COG6: variants seen among roughly 807,000 people sequenced by gnomAD.
COG6 encodes conserved oligomeric Golgi complex subunit 6.
COG6 carries 74 observed loss-of-function variants against 88.8 expected under a neutral mutation model. That is an observed-to-expected ratio of 0.83 (90% CI 0.69 to 1.01). The LOEUF is 1.01. COG6 is among the 50% of genes least tolerant of loss of function. The pLI is 0.00. For synonymous variants in COG6, 286 were observed against 278.7 expected, an observed-to-expected ratio of 1.03 and a Z score of -0.26; for missense variants, 800 against 797.9, an observed-to-expected ratio of 1.00 and a Z score of -0.03.
chr13:39,764,183 A>G (rs1281861499), intron 18 of COG6, among the ~76,000 whole-genome samples: 1 of 151,778 alleles, frequency 6.6e-6, no homozygotes, highest in African/African-American at 2.4e-5. Flanking sequence ...TTTTGTCATA[A>G]TGTTCTATCA....
chr13:39,659,472 G>T lies in COG6; in HGVS notation c.262G>T (p.Glu88Ter). 1 of 1,613,502 alleles carries T rather than the reference G, an allele frequency of 6.2e-7. No individual in the cohort carries two copies. Among genetic ancestry groups the T allele is most frequent in the Non-Finnish European group, 8.5e-7 (1 of 1,179,724 alleles). Residue 88 changes from glutamate (E) to a stop codon, truncating the protein, a stop_gained, in exon 2 of 19, where the codon GAA (glutamate) becomes TAA (stop). Transcript: ENST00000455146. LOFTEE classifies it high-confidence loss of function. Reference sequence around the variant, plus strand: ...TGAACGTAAAAGTTTAGCCATCAATGAAGAATTTGTAAGCATTTTCAAGGA... The same window carrying T: ...TGAACGTAAAAGTTTAGCCATCAATTAAGAATTTGTAAGCATTTTCAAGGA... ...DIERKSLAIN[E>*]EFVSIFKEVK...
At chr13:39,743,698 C>T (rs1032678685) in intron 18 of COG6, among the ~76,000 whole-genome samples, 4 of 152,120 alleles carry the variant, frequency 2.6e-5, no homozygotes, top group Non-Finnish European at 4.4e-5. Flanking sequence ...TGGTACCATC[C>T]ATTCTGAAAC....
chr13:39,659,548 C>CTAT lies in COG6; in HGVS notation c.297+44_297+46dup, dbSNP rs771300717. 2.6e-6 allele frequency: 4 copies of CTAT among 1,556,254 alleles called. No individual in the cohort carries two copies. The South Asian group carries it at 4.5e-5, about 17-fold the overall frequency. On this transcript the variant is annotated intron_variant, in intron 2 of 18. Transcript: ENST00000455146. ...TCATTTAGCATATATTGAGAACTTACTATTACGCCTGGCTCTGTGCTAAGT... is the reference window on the plus strand; with the variant it reads ...TCATTTAGCATATATTGAGAACTTACTATTATTACGCCTGGCTCTGTGCTAAGT...
intron 18 of COG6, among the ~76,000 whole-genome samples, chr13:39,747,630 C>T (rs143814345): frequency 3.0e-4 from 45 of 152,190 alleles, no homozygotes; most frequent in African/African-American, 9.6e-4. Context: ...TTTAAACACT[C>T]GTTTAGTTTT....
intron 5 of COG6, among the ~76,000 whole-genome samples, chr13:39,678,534 C>T (rs146975191): frequency 6.2e-4 from 95 of 152,166 alleles, no homozygotes; most frequent in African/African-American, 2.2e-3. Flanking sequence ...ATTATATAAC[C>T]TCTCAAAATG....
At position 39,699,617 on chromosome 13, in the gene COG6, A is replaced by T; in HGVS notation, c.1283A>T (p.Lys428Met). Reference protein sequence around the residue: ...LSLHASKLMDKVELPPPDLGP... With the variant: ...LSLHASKLMDMVELPPPDLGP... ...CTTCATGCAAGTAAATTAATGGACA[A>T]GGTATGTTTGAAAAATGTAATTATT... is the stretch of plus-strand genomic sequence containing the variant. The change falls in exon 13 of 19, where the codon AAG becomes ATG. Residue 428 changes from lysine to methionine, a missense_variant and splice_region_variant. Physicochemically the swap from Lys to Met is moderately conservative, Grantham distance 95. Transcript: ENST00000455146. 7.8e-7 allele frequency: 1 copy of T among 1,278,436 alleles called. No homozygotes were observed. Among genetic ancestry groups the T allele is most frequent in the Non-Finnish European group, 1.1e-6 (1 of 875,352 alleles). 79.2% of individuals were successfully genotyped at this position (1,278,436 alleles called of 1,614,324 possible).
Position 39,656,157 on chromosome 13 carries a change from T to C in COG6, c.153+278T>C, listed in dbSNP as rs3812888. On this transcript the variant is annotated intron_variant, in intron 1 of 18. Transcript: ENST00000455146. Reference sequence around the variant, plus strand: ...TCTGGATGGGATTGGTGAACGGTGGTGCCTCGAGAAGTGTCCTCCAAACAC... The same window carrying C: ...TCTGGATGGGATTGGTGAACGGTGGCGCCTCGAGAAGTGTCCTCCAAACAC... The C allele has an allele frequency of 0.44, 262,465 of 598,416 alleles. 59,836 individuals carry two copies. Among genetic ancestry groups the C allele is most frequent in the Admixed American group, 0.62 (28,929 of 46,538 alleles). The allele number at this position is 598,416 out of a possible 1,614,324, so 37.1% of individuals were successfully genotyped here. A position where few individuals can be genotyped will look rare whatever the true frequency, so the allele number is the denominator to read the frequency against.
intron 3 of COG6, among the ~76,000 whole-genome samples, chr13:39,664,649 C>T (rs1365487795): frequency 2.0e-5 from 3 of 152,284 alleles, no homozygotes; most frequent in Non-Finnish European, 4.4e-5. Flanking sequence ...TTGTATATTA[C>T]AACTTTCAAA....
intron 8 of COG6, among the ~76,000 whole-genome samples, chr13:39,685,841 C>T (rs1876604473): frequency 6.8e-6 from 1 of 146,078 alleles, no homozygotes; most frequent in African/African-American, 2.5e-5. Context: ...TTTAGCAAAA[C>T]TTAGCTGGAT....
In COG6 at chr13:39,683,049, C is replaced by A. The variant is rs190320469; in HGVS notation, c.788+785C>A. 1.1e-4 allele frequency among the ~76,000 whole-genome samples: 16 copies of A among 152,188 alleles called. No homozygotes were observed. The East Asian group carries it at 2.5e-3, about 24-fold the overall frequency. ...CCATTACTTTCTGATTGGAACACTACTTATCCTATCATCAGGTCACAGAAC... is the reference window on the plus strand; with the variant it reads ...CCATTACTTTCTGATTGGAACACTAATTATCCTATCATCAGGTCACAGAAC... On this transcript the variant is annotated intron_variant, in intron 8 of 18. Transcript: ENST00000455146.
Position 39,685,234 on chromosome 13 carries a change from C to T in COG6, c.789-2269C>T, listed in dbSNP as rs181471379. Among the ~76,000 whole-genome samples, 29 of 152,252 alleles carry T rather than the reference C, an allele frequency of 1.9e-4. No individual in the cohort carries two copies. In the East Asian group the frequency reaches 5.2e-3, roughly 27 times the overall value. ...AGAATATTTACATAATTTGAACATT[C>T]ACTCTGAAAAAGCTCCATTTTGATT... is the stretch of plus-strand genomic sequence containing the variant. On this transcript the variant is annotated intron_variant, in intron 8 of 18. Coordinates refer to ENST00000455146, the MANE Select transcript of COG6 (RefSeq NM_020751.3).
chr13:39,682,397 C>G (rs1195470019), intron 8 of COG6, 133 bp downstream of exon 8: 2 of 636,936 alleles, frequency 3.1e-6, no homozygotes, highest in African/African-American at 3.7e-5. Context: ...ATACTGTTCA[C>G]CTTAACTTGA....
At chr13:39,672,185 A>AT (rs1234260562) in intron 4 of COG6, among the ~76,000 whole-genome samples, 7 of 152,032 alleles carry the variant, frequency 4.6e-5, no homozygotes, top group African/African-American at 1.4e-4. Context: ...GGAAGAATGT[A>AT]TTAGATGCCT....
At chr13:39,767,547 C>G (rs963832253) in intron 18 of COG6, among the ~76,000 whole-genome samples, 1 of 152,052 alleles carries the variant, frequency 6.6e-6, no homozygotes, top group African/African-American at 2.4e-5. Flanking sequence ...AGTTTATGTA[C>G]CACATGTTAG....
chr13:39,697,128 G>T (rs1877320836), intron 12 of COG6, among the ~76,000 whole-genome samples: 1 of 151,316 alleles, frequency 6.6e-6, no homozygotes, highest in African/African-American at 2.4e-5. Flanking sequence ...TGTCAGATTT[G>T]ATGTATCTGT....
intron 18 of COG6, among the ~76,000 whole-genome samples, chr13:39,743,898 A>G (rs1040573725): frequency 1.3e-5 from 2 of 152,186 alleles, no homozygotes; most frequent in Non-Finnish European, 2.9e-5. Context: ...CAAAAAACTT[A>G]CCCACCAAGA....
chr13:39,694,856 G>T, intron 12 of COG6, 131 bp downstream of exon 12: 1 of 517,676 alleles, frequency 1.9e-6, no homozygotes, highest in Non-Finnish European at 3.6e-6. Context: ...GTAACTAGTA[G>T]GACTTCCACA....
intron 18 of COG6, among the ~76,000 whole-genome samples, chr13:39,786,898 A>G (rs1566049296): frequency 6.6e-6 from 1 of 152,226 alleles, no homozygotes; most frequent in African/African-American, 2.4e-5. Context: ...CATCCATAAT[A>G]CAATAACTAT....
chr13:39,693,179 T>G (rs77465148), intron 11 of COG6, among the ~76,000 whole-genome samples: 9,444 of 152,008 alleles, frequency 0.062, 388 homozygotes, highest in Non-Finnish European at 0.094. Context: ...CTCTGTTGTA[T>G]TTTGTATTGT....
Sources: gnomAD v4.1 joint callset for allele counts (sites outside exome capture counted in the v4.1 genomes callset) on GRCh38, gnomAD v4.1.1 for gene constraint, MANE v1.5 for transcripts, NCBI Gene and HGNC (gene_info 2026-07-23, HGNC 2026-07-21) for gene names.